The following LSAMP variants were observed in gnomAD, a reference collection of about 807,000 sequenced individuals.
LSAMP encodes limbic system-associated membrane protein.
A neutral mutation model predicts 38.6 loss-of-function variants in LSAMP; 7 were observed. The ratio of observed to expected loss-of-function variants is 0.18; its 90% CI spans 0.10 to 0.34. The LOEUF (loss-of-function observed/expected upper bound fraction) is 0.34, where lower values mean the gene tolerates loss of function less well. Among genes scored for constraint, LSAMP ranks in the 10% least tolerant of loss-of-function variants. The pLI is 1.00. For synonymous variants in LSAMP, 154 were observed against 166.8 expected (o/e 0.92, Z 0.59); for missense variants, 313 against 420.0 (o/e 0.75, Z 2.23).
chr3:115,877,393 G>T (rs193191787), intron 3 of LSAMP, among the ~76,000 whole-genome samples: 5 of 152,144 alleles, frequency 3.3e-5, no homozygotes, highest in Admixed American at 1.3e-4. Context: ...TACTGTTGTA[G>T]TGTCAAACCG....
chr3:116,177,260 C>T (rs1490563881), intron 1 of LSAMP, among the ~76,000 whole-genome samples: 1 of 151,982 alleles, frequency 6.6e-6, no homozygotes, highest in East Asian at 1.9e-4. Flanking sequence ...CTGACATCTC[C>T]GAATTGTAGT....
chr3:115,940,962 A>C (rs1488096739), intron 3 of LSAMP, among the ~76,000 whole-genome samples: 1 of 152,168 alleles, frequency 6.6e-6, no homozygotes, highest in Non-Finnish European at 1.5e-5. Context: ...GCTTTTGTCC[A>C]TAAAAGGGAA....
intron 1 of LSAMP, among the ~76,000 whole-genome samples, chr3:116,354,220 A>T (rs1454325772): frequency 6.6e-6 from 1 of 152,282 alleles, no homozygotes; most frequent in African/African-American, 2.4e-5. Flanking sequence ...TGTTCCAGCC[A>T]TATACCCTCG....
chr3:115,904,210 AAG>A (rs538726685), intron 3 of LSAMP, among the ~76,000 whole-genome samples: 64 of 152,294 alleles, frequency 4.2e-4, no homozygotes, highest in African/African-American at 1.4e-3. Context: ...TAAAAAGATA[AAG>A]AGCTATTAAA....
Position 116,228,954 on chromosome 3 carries a change from T to C in LSAMP, c.156-142398A>G, listed in dbSNP as rs923505360. Among the ~76,000 whole-genome samples the C allele has an allele frequency of 5.9e-5, 9 of 152,232 alleles. No homozygotes were observed. The East Asian group carries it at 9.7e-4, about 16-fold the overall frequency. ...CAGTTCTATCACATTTCTCTAGGGA[T>C]CAGTGAACTCATTTGGATTAAACAA... On this transcript the variant is annotated intron_variant, in intron 1 of 6. Transcript: ENST00000490035.
chr3:115,942,520 G>A (rs1234341599), intron 3 of LSAMP, among the ~76,000 whole-genome samples: 1 of 152,120 alleles, frequency 6.6e-6, no homozygotes, highest in Admixed American at 6.6e-5. Flanking sequence ...CTACAAATGT[G>A]AGAAAAGAGT....
At position 115,997,136 on chromosome 3, in the gene LSAMP, A is replaced by C. The variant is rs142261079; in HGVS notation, c.514+22379T>G. On this transcript the variant is annotated intron_variant, in intron 3 of 6. Transcript: ENST00000490035. ...GATTCCTGAGATTGTGTTTCAATACATCTGGAATGGGGCTAAGAATGCTAC... is the reference window on the plus strand; with the variant it reads ...GATTCCTGAGATTGTGTTTCAATACCTCTGGAATGGGGCTAAGAATGCTAC... Among the ~76,000 whole-genome samples, 439 of 152,274 alleles carry C rather than the reference A, an allele frequency of 2.9e-3. 6 individuals are homozygous for C. Among genetic ancestry groups the C allele is most frequent in the Non-Finnish European group, 7.6e-4 (52 of 68,004 alleles).
At chr3:116,338,737 AT>A (rs2047953671) in intron 1 of LSAMP, among the ~76,000 whole-genome samples, 1 of 151,988 alleles carries the variant, frequency 6.6e-6, no homozygotes, top group Non-Finnish European at 1.5e-5. Flanking sequence ...TTCTCCTCTA[AT>A]TCTAAACCTG....
chr3:116,384,739 A>G (rs1404267997), intron 1 of LSAMP, among the ~76,000 whole-genome samples: 1 of 152,120 alleles, frequency 6.6e-6, no homozygotes, highest in Non-Finnish European at 1.5e-5. Flanking sequence ...CTTTTCTTGC[A>G]TATCACCACC....
intron 1 of LSAMP, among the ~76,000 whole-genome samples, chr3:116,203,385 TTTTA>T (rs150984829): frequency 0.8 from 120,745 of 151,208 alleles, 49,064 homozygotes; most frequent in East Asian, 0.91. Context: ...TCAAATTTCT[TTTTA>T]TTTATTTATT....
intron 6 of LSAMP, among the ~76,000 whole-genome samples, chr3:115,839,281 C>CTTT (rs1934913896): frequency 8.0e-6 from 1 of 124,542 alleles, no homozygotes; most frequent in South Asian, 3.0e-4. Context: ...TTCCTTCCTT[C>CTTT]CTTCCTTCCT....
chr3:116,291,871 A>T (rs563124717), intron 1 of LSAMP, among the ~76,000 whole-genome samples: 124 of 152,310 alleles, frequency 8.1e-4, no homozygotes, highest in Middle Eastern at 3.4e-3. Context: ...CTTAATTCAC[A>T]CAAAGAAGTG....
At chr3:115,829,667 A>G (rs1371537287) in intron 6 of LSAMP, among the ~76,000 whole-genome samples, 1 of 152,222 alleles carries the variant, frequency 6.6e-6, no homozygotes, top group Non-Finnish European at 1.5e-5. Context: ...GTGTGAGTGT[A>G]TATGTGTGTG....
At chr3:116,271,701 G>A (rs190952724) in intron 1 of LSAMP, among the ~76,000 whole-genome samples, 6 of 151,758 alleles carry the variant, frequency 4.0e-5, no homozygotes, top group Admixed American at 2.6e-4. Context: ...AAATATAATC[G>A]ACTTTGTGGA....
chr3:116,376,981 CTCTTT>C (rs1488636365), intron 1 of LSAMP, among the ~76,000 whole-genome samples: 1 of 152,056 alleles, frequency 6.6e-6, no homozygotes, highest in Non-Finnish European at 1.5e-5. Flanking sequence ...AAAATACCCT[CTCTTT>C]TATTTCCCTC....
At chr3:116,019,779 C>A in intron 2 of LSAMP, 139 bp from the exon 3 acceptor site, 1 of 848,872 alleles carries the variant, frequency 1.2e-6, no homozygotes, top group South Asian at 1.5e-5. Context: ...CTTTTAAGAC[C>A]CATGCTTGCC....
At chr3:116,307,996 A>G (rs2047505701) in intron 1 of LSAMP, among the ~76,000 whole-genome samples, 1 of 151,956 alleles carries the variant, frequency 6.6e-6, no homozygotes, top group African/African-American at 2.4e-5. Flanking sequence ...TGTTGTTATG[A>G]GAATAAAGAG....
At chr3:116,421,074 T>C (rs1322811604) in intron 1 of LSAMP, among the ~76,000 whole-genome samples, 1 of 152,172 alleles carries the variant, frequency 6.6e-6, no homozygotes, top group Non-Finnish European at 1.5e-5. Context: ...TAAAACTATA[T>C]AATTTTAGAG....
chr3:116,315,722 C>T (rs933486528), intron 1 of LSAMP, among the ~76,000 whole-genome samples: 1 of 152,160 alleles, frequency 6.6e-6, no homozygotes, highest in Non-Finnish European at 1.5e-5. Flanking sequence ...AGCTATCTAC[C>T]TATCTCCTCA....
Sources: allele counts gnomAD v4.1 joint callset (sites outside exome capture counted in the v4.1 genomes callset), GRCh38; gene constraint gnomAD v4.1.1; transcripts MANE v1.5; gene names NCBI Gene and HGNC (gene_info 2026-07-23, HGNC 2026-07-21).